Variants in RTEL1 observed in about 807,000 individuals in gnomAD.
The protein encoded by RTEL1 is regulator of telomere elongation helicase 1.
A neutral mutation model predicts 162.2 loss-of-function variants in RTEL1; 86 were observed. The ratio of observed to expected loss-of-function variants is 0.53; its 90% CI spans 0.45 to 0.63. RTEL1 has a LOEUF of 0.63. Ranked by LOEUF, RTEL1 falls within the 30% of genes least tolerant of loss-of-function variation. RTEL1 has a pLI of 0.00. For missense variants in RTEL1, 1,941 were observed against 1,750.2 expected (o/e 1.11, Z -1.95); for synonymous variants, 958 against 717.9 (o/e 1.33, Z -5.35).
chr20:63,664,054 T>G (rs931055729), intron 6 of RTEL1, among the ~76,000 whole-genome samples: 1 of 152,200 alleles, frequency 6.6e-6, no homozygotes, highest in Admixed American at 6.5e-5. Context: ...GTTTTTGGTC[T>G]GGTGGCACCA....
Position 63,662,604 on chromosome 20 carries a change from A to G in RTEL1, c.454A>G (p.Lys152Glu), listed in dbSNP as rs1234907654. Residue 152 changes from lysine to glutamate, a missense_variant, in exon 5 of 35, where the codon AAA (lysine) becomes GAA (glutamate). By Grantham distance (56) the Lys-to-Glu change is moderately conservative. Transcript: ENST00000360203. Reference sequence around the variant, plus strand: ...GCTGTGCATCCATCCTGAGGTGAAGAAACAAGAGAGTAACCATCTACAGGT... The same window carrying G: ...GCTGTGCATCCATCCTGAGGTGAAGGAACAAGAGAGTAACCATCTACAGGT... Reference protein sequence around the residue: ...EQLCIHPEVKKQESNHLQIHL... With the variant: ...EQLCIHPEVKEQESNHLQIHL... 1.2e-6 allele frequency: 2 copies of G among 1,613,894 alleles called. No individual in the cohort carries two copies. The highest frequency in any genetic ancestry group is 1.7e-5 in the Admixed American group (1 of 59,988).
At chr20:63,664,597 T>C (rs1327987235) in intron 6 of RTEL1, among the ~76,000 whole-genome samples, 1 of 152,210 alleles carries the variant, frequency 6.6e-6, no homozygotes, top group Non-Finnish European at 1.5e-5. Context: ...AGCCCCTGCC[T>C]GTCCCCCTTG....
intron 10 of RTEL1, among the ~76,000 whole-genome samples, chr20:63,676,467 C>G (rs1187166410): frequency 6.6e-6 from 1 of 152,138 alleles, no homozygotes; most frequent in East Asian, 1.9e-4. Flanking sequence ...TTTCCCGTTT[C>G]TTCCCATGTG....
chr20:63,685,638 G>C, intron 15 of RTEL1, 41 bp downstream of exon 15: 1 of 1,598,054 alleles, frequency 6.3e-7, no homozygotes, highest in Non-Finnish European at 8.5e-7. Flanking sequence ...GGCAGCCCTT[G>C]TTCCCCGGCA....
rs111979856 is a variant in RTEL1, at chr20:63,667,907, C to T, written c.699+354C>T. On this transcript the variant is annotated intron_variant, in intron 8 of 34. Coordinates refer to ENST00000360203, the MANE Select transcript of RTEL1 (RefSeq NM_001283009.2). ...AGAACACAGGAAGCCCACTGACTCC[C>T]CTCTTCCCAGCGCGTGCCCGGCCCC... is the stretch of plus-strand genomic sequence containing the variant. Among the ~76,000 whole-genome samples, 250 of 152,154 alleles carry T rather than the reference C, an allele frequency of 1.6e-3. 1 individual carries two copies. Among genetic ancestry groups the T allele is most frequent in the African/African-American group, 5.7e-3 (235 of 41,488 alleles).
chr20:63,683,609 C>T (rs1225753606), intron 14 of RTEL1, among the ~76,000 whole-genome samples: 1 of 152,232 alleles, frequency 6.6e-6, no homozygotes, highest in Non-Finnish European at 1.5e-5. Flanking sequence ...AGTTCGGCTT[C>T]TCCGCATTTC....
At chr20:63,688,716 G>A (rs1384816776) in intron 21 of RTEL1, 111 bp downstream of exon 21, 6 of 961,510 alleles carry the variant, frequency 6.2e-6, no homozygotes, top group South Asian at 4.8e-5. Context: ...GGCGGCTCCC[G>A]CTGCCTCTTC....
rs1601164500 is a variant in RTEL1, at chr20:63,688,334, T to C, written c.1670T>C (p.Leu557Pro). Reference protein sequence around the residue: ...NIARVVPYGLLIFFPSYPVME... With the variant: ...NIARVVPYGLPIFFPSYPVME... Reference sequence around the variant, plus strand: ...GCCCGCGTGGTGCCCTATGGGCTCCTGATCTTCTTCCCTTCCTATCCTGTC... The same window carrying C: ...GCCCGCGTGGTGCCCTATGGGCTCCCGATCTTCTTCCCTTCCTATCCTGTC... The change falls in exon 20 of 35, where the codon CTG (leucine) becomes CCG (proline). Residue 557 changes from leucine (L) to proline (P), a missense_variant. Transcript: ENST00000360203. The C allele has an allele frequency of 6.2e-7, 1 of 1,612,656 alleles. No homozygotes were observed. The highest frequency in any genetic ancestry group is 8.5e-7 in the Non-Finnish European group (1 of 1,179,980).
chr20:63,680,996 G>T, intron 14 of RTEL1: 1 of 985,404 alleles, frequency 1.0e-6, no homozygotes, highest in South Asian at 4.7e-5. Context: ...AGCCGCTCCT[G>T]CCCTGTCCGG....
chr20:63,693,172 A>T lies in RTEL1; in HGVS notation c.2881A>T (p.Lys961Ter), dbSNP rs1555813144. Reference sequence around the variant, plus strand: ...CTACCAGTTTGTGCGGCCCCACCATAAGCAGCAGTTTGAGGAGGTCTGTAT... The same window carrying T: ...CTACCAGTTTGTGCGGCCCCACCATTAGCAGCAGTTTGAGGAGGTCTGTAT... The part of the protein sequence containing the change: ...GFYQFVRPHH[K>*]QQFEEVCIQL... The change falls in exon 30 of 35, where the codon AAG becomes TAG. Residue 961 changes from lysine (K) to a stop codon, truncating the protein, a stop_gained. Coordinates refer to ENST00000360203, the MANE Select transcript of RTEL1 (RefSeq NM_001283009.2). LOFTEE classifies it high-confidence loss of function. The T allele has an allele frequency of 6.2e-7, 1 of 1,612,128 alleles. No individual in the cohort carries two copies.
chr20:63,693,253 C>A lies in RTEL1; in HGVS notation c.2962C>A (p.Gln988Lys). Residue 988 changes from glutamine to lysine, a missense_variant, in exon 30 of 35, where the codon CAG (glutamine) becomes AAG (lysine). Transcript: ENST00000360203. ...YRPEHSIPRR[Q>K]RAQPVLDPTG... ...GCCTGAGCACAGCATTCCCCGAAGGCAGCGGGCACAGCCGGTCCTGGACCC... is the reference window on the plus strand; with the variant it reads ...GCCTGAGCACAGCATTCCCCGAAGGAAGCGGGCACAGCCGGTCCTGGACCC... 1.2e-6 allele frequency: 2 copies of A among 1,611,958 alleles called. No homozygotes were observed. Among genetic ancestry groups the A allele is most frequent in the South Asian group, 1.1e-5 (1 of 91,092 alleles).
At position 63,692,856 on chromosome 20, in the gene RTEL1, G is replaced by C; in HGVS notation, c.2704G>C (p.Ala902Pro). Residue 902 changes from alanine to proline, a missense_variant, in exon 29 of 35, where the codon GCC (alanine) becomes CCC (proline). By Grantham distance (27) the Ala-to-Pro change is conservative. Transcript: ENST00000360203. ...GGACAGGGCCAAGCTCTTCATGGTG[G>C]CCGTGAAGCAGGAGTTGAGCCAAGC... Reference protein sequence around the residue: ...QTDRAKLFMVAVKQELSQANF... With the variant: ...QTDRAKLFMVPVKQELSQANF... 2 of 1,612,636 alleles carry C rather than the reference G, an allele frequency of 1.2e-6. No homozygotes were observed. The highest frequency in any genetic ancestry group is 8.5e-7 in the Non-Finnish European group (1 of 1,179,858).
rs1226623918 is a variant in RTEL1, at chr20:63,691,727, C to G, written c.2557-15C>G. The G allele has an allele frequency of 2.5e-6, 4 of 1,608,878 alleles. No homozygotes were observed. The highest frequency in any genetic ancestry group is 3.4e-6 in the Non-Finnish European group (4 of 1,176,662). On this transcript the variant is annotated splice_polypyrimidine_tract_variant and intron_variant, in intron 27 of 34. Transcript: ENST00000360203. ...GTTGGGGTCTGTGTGTGGTTGTGAG[C>G]TGTGTCCTCCTCAGGCCCACAGCTG...
intron 6 of RTEL1, among the ~76,000 whole-genome samples, chr20:63,664,223 T>C (rs2090077910): frequency 6.6e-6 from 1 of 151,980 alleles, no homozygotes; most frequent in African/African-American, 2.4e-5. Flanking sequence ...TGGGCAGATG[T>C]GCTGATGGAA....
chr20:63,677,622 T>C (rs536130784), intron 10 of RTEL1, among the ~76,000 whole-genome samples: 4 of 152,222 alleles, frequency 2.6e-5, no homozygotes, highest in African/African-American at 9.6e-5. Context: ...CAAAAATGAA[T>C]AGATAAATAA....
At chr20:63,681,331 C>T (rs548749025) in intron 14 of RTEL1, 1 of 985,360 alleles carries the variant, frequency 1.0e-6, no homozygotes, top group South Asian at 4.7e-5. Flanking sequence ...TTTGGGTGCT[C>T]TGGGCACGTT....
intron 5 of RTEL1, 67 bp downstream of exon 5, chr20:63,662,694 C>T: frequency 6.2e-7 from 1 of 1,606,432 alleles, no homozygotes; most frequent in Non-Finnish European, 8.5e-7. Context: ...GTCCAGAGCC[C>T]CAGGCTGCGC....
At chr20:63,659,704 C>T (rs2089979506) in intron 2 of RTEL1, among the ~76,000 whole-genome samples, 200 bp downstream of exon 2, 1 of 152,138 alleles carries the variant, frequency 6.6e-6, no homozygotes, top group Non-Finnish European at 1.5e-5. Context: ...GGGGGCCGGC[C>T]CCTCCACACC....
Position 63,695,567 on chromosome 20 carries a change from T to C in RTEL1, c.3739T>C (p.Cys1247Arg). The C allele has an allele frequency of 6.2e-7, 1 of 1,612,326 alleles. No individual in the cohort carries two copies. The highest frequency in any genetic ancestry group is 8.5e-7 in the Non-Finnish European group (1 of 1,179,882). The stretch of plus-strand genomic sequence containing the variant: ...CTCAGCAGGCTGTGTGTGCCAGGGC[T>C]GTGGGGCAGAGGACGTGGTGCCCTT... ...PLSAGCVCQG[C>R]GAEDVVPFQC... The change falls in exon 34 of 35, where the codon TGT (cysteine) becomes CGT (arginine). Residue 1247 changes from cysteine (C) to arginine (R), a missense_variant. Physicochemically the swap from Cys to Arg is radical, Grantham distance 180. Coordinates refer to ENST00000360203, the MANE Select transcript of RTEL1 (RefSeq NM_001283009.2).
Sources: gnomAD v4.1 joint callset for allele counts (sites outside exome capture counted in the v4.1 genomes callset) on GRCh38, gnomAD v4.1.1 for gene constraint, MANE v1.5 for transcripts, NCBI Gene and HGNC (gene_info 2026-07-23, HGNC 2026-07-21) for gene names.